PTPRD: variants seen among roughly 807,000 people sequenced by gnomAD.
PTPRD encodes protein tyrosine phosphatase receptor type D, also known as receptor-type tyrosine-protein phosphatase delta.
In PTPRD, 34 loss-of-function variants were observed where a neutral mutation model predicts 214.5. The ratio of observed to expected loss-of-function variants is 0.16; its 90% CI spans 0.12 to 0.21. The LOEUF (loss-of-function observed/expected upper bound fraction) is 0.21, where lower values mean the gene tolerates loss of function less well. PTPRD is among the 10% of genes least tolerant of loss of function. The pLI is 1.00. For synonymous variants in PTPRD, 1,128 were observed against 845.7 expected (o/e 1.33, Z -5.79); for missense variants, 2,545 against 2,398.7 (o/e 1.06, Z -1.27).
chr9:9,721,358 TA>T (rs2097940270), intron 7 of PTPRD, among the ~76,000 whole-genome samples: 1 of 152,132 alleles, frequency 6.6e-6, no homozygotes, highest in Non-Finnish European at 1.5e-5. Flanking sequence ...CAAAAGAGTA[TA>T]AGGACTATAC....
At chr9:9,462,090 CA>C (rs2093710629) in intron 8 of PTPRD, among the ~76,000 whole-genome samples, 1 of 151,924 alleles carries the variant, frequency 6.6e-6, no homozygotes, top group South Asian at 2.1e-4. Flanking sequence ...ATTATGTCTC[CA>C]ATATGTGATA....
intron 9 of PTPRD, among the ~76,000 whole-genome samples, chr9:9,234,993 T>G (rs1379072590): frequency 2.6e-5 from 4 of 152,198 alleles, no homozygotes; most frequent in Admixed American, 2.0e-4. Context: ...TTTATTGTAT[T>G]AGTTCATTTT....
intron 10 of PTPRD, among the ~76,000 whole-genome samples, chr9:9,104,891 T>C (rs1196651233): frequency 6.6e-6 from 1 of 152,116 alleles, no homozygotes; most frequent in African/African-American, 2.4e-5. Flanking sequence ...AACAAACTGG[T>C]GGCTGGATTC....
intron 3 of PTPRD, among the ~76,000 whole-genome samples, chr9:10,278,465 G>T (rs188155925): frequency 8.1e-4 from 124 of 152,242 alleles, no homozygotes; most frequent in African/African-American, 2.8e-3. Context: ...TCCAAAATCA[G>T]ACAACTTCTG....
At chr9:8,729,448 T>TAA (rs112187399) in intron 12 of PTPRD, among the ~76,000 whole-genome samples, 330 of 149,960 alleles carry the variant, frequency 2.2e-3, no homozygotes, top group Middle Eastern at 0.017. Flanking sequence ...TAGGTCAAAT[T>TAA]AAAAAAAAAA....
intron 7 of PTPRD, among the ~76,000 whole-genome samples, chr9:9,602,066 G>C (rs1315719321): frequency 6.6e-6 from 1 of 152,030 alleles, no homozygotes; most frequent in Non-Finnish European, 1.5e-5. Flanking sequence ...TCAGACTCTT[G>C]ATGGAATCAT....
At position 9,202,410 on chromosome 9, in the gene PTPRD, G is replaced by T. The variant is rs1024547568; in HGVS notation, c.-202-19047C>A. 5.3e-5 allele frequency among the ~76,000 whole-genome samples: 8 copies of T among 152,154 alleles called. No individual in the cohort carries two copies. The East Asian group carries it at 9.7e-4, about 18-fold the overall frequency. The stretch of plus-strand genomic sequence containing the variant: ...TTCTTATCAAGTAGGAGACATTAAA[G>T]CTGTCCCTGACAGCTGTTTTCCAGT... On this transcript the variant is annotated intron_variant, in intron 9 of 45. Coordinates refer to ENST00000381196, the MANE Select transcript of PTPRD (RefSeq NM_002839.4).
intron 4 of PTPRD, among the ~76,000 whole-genome samples, chr9:9,972,216 GTTCT>G (rs959547127): frequency 2.0e-5 from 3 of 152,048 alleles, no homozygotes; most frequent in Non-Finnish European, 4.4e-5. Flanking sequence ...TTCTAGTAGT[GTTCT>G]TTCTTTTGCC....
intron 3 of PTPRD, among the ~76,000 whole-genome samples, chr9:10,240,193 T>C (rs999928227): frequency 1.3e-5 from 2 of 152,046 alleles, no homozygotes; most frequent in African/African-American, 4.8e-5. Context: ...TAAATAAAAA[T>C]ATACTTCATA....
chr9:8,898,059 A>T (rs1281241576), intron 11 of PTPRD, among the ~76,000 whole-genome samples: 1 of 152,104 alleles, frequency 6.6e-6, no homozygotes, highest in Non-Finnish European at 1.5e-5. Context: ...ACTCTTCCCT[A>T]TTAATTCATT....
chr9:8,605,837 T>C (rs566276105), intron 14 of PTPRD, among the ~76,000 whole-genome samples: 1 of 152,274 alleles, frequency 6.6e-6, no homozygotes, highest in South Asian at 2.1e-4. Flanking sequence ...TTACTAGGGA[T>C]TGATCATCCT....
chr9:8,339,844 A>C (rs536237178), intron 42 of PTPRD, among the ~76,000 whole-genome samples: 148 of 140,174 alleles, frequency 1.1e-3, no homozygotes, highest in African/African-American at 4.6e-3. Flanking sequence ...TCAAAAAAAA[A>C]CAAACCACTT....
At chr9:8,501,963 G>GT (rs1417475920) in intron 23 of PTPRD, among the ~76,000 whole-genome samples, 6 of 151,912 alleles carry the variant, frequency 3.9e-5, no homozygotes, top group African/African-American at 9.7e-5. Context: ...AAAAAGAACT[G>GT]TTTTTTTAAA....
In PTPRD at chr9:9,701,058, G is replaced by A. The variant is rs368439631; in HGVS notation, c.-287+33475C>T. 1.1e-4 allele frequency among the ~76,000 whole-genome samples: 17 copies of A among 151,132 alleles called. No homozygotes were observed. The South Asian group carries it at 3.3e-3, about 30-fold the overall frequency. On this transcript the variant is annotated intron_variant, in intron 7 of 45. Coordinates refer to ENST00000381196, the MANE Select transcript of PTPRD (RefSeq NM_002839.4). ...TGAGATTAAAAAAAAAAAAAAAATT[G>A]AATAGGTATTCCCCCTGTTGGAATA... is the stretch of plus-strand genomic sequence containing the variant.
chr9:10,351,992 G>A (rs781625956), intron 2 of PTPRD, among the ~76,000 whole-genome samples: 1 of 151,990 alleles, frequency 6.6e-6, no homozygotes, highest in Non-Finnish European at 1.5e-5. Context: ...TGGAGGCATT[G>A]ATAGGTAAAT....
intron 3 of PTPRD, among the ~76,000 whole-genome samples, chr9:10,092,873 T>C (rs1278808176): frequency 6.6e-6 from 1 of 151,664 alleles, no homozygotes; most frequent in African/African-American, 2.4e-5. Context: ...ATTCAATTAA[T>C]GGTGCTGGGA....
chr9:10,462,149 A>G (rs2098963675), intron 2 of PTPRD, among the ~76,000 whole-genome samples: 2 of 152,142 alleles, frequency 1.3e-5, no homozygotes, highest in East Asian at 1.9e-4. Flanking sequence ...TGAGTAAATT[A>G]TAGCTGCTTT....
In PTPRD at chr9:9,240,490, G is replaced by A. The variant is rs910476948; in HGVS notation, c.-202-57127C>T. Reference sequence around the variant, plus strand: ...GTTCAAGACCAGCCTGGCCAGCATGGTGAAGCCCTGTCTCTACTAGAAATA... The same window carrying A: ...GTTCAAGACCAGCCTGGCCAGCATGATGAAGCCCTGTCTCTACTAGAAATA... On this transcript the variant is annotated intron_variant, in intron 9 of 45. Coordinates refer to ENST00000381196, the MANE Select transcript of PTPRD (RefSeq NM_002839.4). 3.3e-4 allele frequency among the ~76,000 whole-genome samples: 50 copies of A among 152,150 alleles called. 2 individuals carry two copies. The highest frequency in any genetic ancestry group is 5.9e-4 in the Admixed American group (9 of 15,248).
At position 10,340,619 on chromosome 9, in the gene PTPRD, T is replaced by C. The variant is rs141849287; in HGVS notation, c.-545+344A>G. 2.9e-3 allele frequency among the ~76,000 whole-genome samples: 446 copies of C among 152,052 alleles called. 1 individual carries two copies. Among genetic ancestry groups the C allele is most frequent in the African/African-American group, 0.01 (423 of 41,546 alleles). On this transcript the variant is annotated intron_variant, in intron 3 of 45. Coordinates refer to ENST00000381196, the MANE Select transcript of PTPRD (RefSeq NM_002839.4). ...CCATCCTAGAGCCTTAATTTCTTTC[T>C]ACAACAGAAATAAAACCATTTTTCT... is the stretch of plus-strand genomic sequence containing the variant.
Sources: gnomAD v4.1 joint callset for allele counts (sites outside exome capture counted in the v4.1 genomes callset) on GRCh38, gnomAD v4.1.1 for gene constraint, MANE v1.5 for transcripts, NCBI Gene and HGNC (gene_info 2026-07-23, HGNC 2026-07-21) for gene names.